SGCZ: variants seen among roughly 807,000 people sequenced by gnomAD.
The protein encoded by SGCZ is sarcoglycan zeta.
In SGCZ, 40 loss-of-function variants were observed where a neutral mutation model predicts 41.3. The observed-to-expected ratio is 0.97, with a 90% CI of 0.75 to 1.26. The LOEUF (loss-of-function observed/expected upper bound fraction) is 1.26. Ranked by LOEUF, SGCZ falls within the 50% of genes most tolerant of loss-of-function variation. SGCZ has a pLI of 0.00. For synonymous variants in SGCZ, 206 were observed against 137.5 expected (o/e 1.50, Z -3.49); for missense variants, 552 against 369.8 (o/e 1.49, Z -4.04).
intron 1 of SGCZ, among the ~76,000 whole-genome samples, chr8:14,742,545 T>G (rs1230591755): frequency 1.3e-5 from 2 of 152,072 alleles, no homozygotes; most frequent in African/African-American, 2.4e-5. Flanking sequence ...GGGAACTAAG[T>G]GTAAACAAGC....
intron 1 of SGCZ, among the ~76,000 whole-genome samples, chr8:15,189,477 A>T (rs13272751): frequency 0.34 from 51,570 of 152,066 alleles, 11,320 homozygotes; most frequent in Non-Finnish European, 0.46. Flanking sequence ...AGAGAGCCAA[A>T]CAACAGTCTT....
At chr8:14,388,189 T>C (rs1010555541) in intron 2 of SGCZ, among the ~76,000 whole-genome samples, 1 of 151,924 alleles carries the variant, frequency 6.6e-6, no homozygotes, top group African/African-American at 2.4e-5. Flanking sequence ...ATATATTGCC[T>C]GATACGAAAA....
intron 2 of SGCZ, among the ~76,000 whole-genome samples, chr8:14,519,882 C>T (rs1802738922): frequency 1.3e-5 from 2 of 152,088 alleles, no homozygotes; most frequent in South Asian, 2.1e-4. Context: ...TTACACACTT[C>T]AACCTTAACC....
At chr8:14,857,726 C>T (rs1160911435) in intron 1 of SGCZ, among the ~76,000 whole-genome samples, 1 of 151,974 alleles carries the variant, frequency 6.6e-6, no homozygotes, top group Non-Finnish European at 1.5e-5. Context: ...ATTAGCCCAG[C>T]GTGGTGGCAA....
Position 14,693,582 on chromosome 8 carries a change from C to CA in SGCZ, c.40-138657_40-138656insT, listed in dbSNP as rs771099976. 1.3e-4 allele frequency among the ~76,000 whole-genome samples: 8 copies of CA among 61,564 alleles called. No homozygotes were observed. The East Asian group carries it at 2.0e-3, about 15-fold the overall frequency. 40.4% of individuals were successfully genotyped at this position (61,564 alleles called of 152,430 possible). A position where few individuals can be genotyped will look rare whatever the true frequency, so the allele number is the denominator to read the frequency against. On this transcript the variant is annotated intron_variant, in intron 1 of 7. Transcript: ENST00000382080. ...TACAGGCGTCAGCTACCACGACTGG[C>CA]TTTTTTTTTTTTTTTTTTTTTTTTT...
intron 1 of SGCZ, among the ~76,000 whole-genome samples, chr8:14,609,201 G>T (rs1284757766): frequency 6.6e-6 from 1 of 151,976 alleles, no homozygotes; most frequent in South Asian, 2.1e-4. Context: ...TAACAAAATT[G>T]TATTATTACT....
intron 1 of SGCZ, among the ~76,000 whole-genome samples, chr8:14,855,075 A>G (rs1803494929): frequency 6.6e-6 from 1 of 151,596 alleles, no homozygotes; most frequent in Non-Finnish European, 1.5e-5. Context: ...TTATTTAGAG[A>G]CGGAGTCTTG....
intron 4 of SGCZ, among the ~76,000 whole-genome samples, chr8:14,236,330 G>C (rs780820424): frequency 3.3e-5 from 5 of 151,950 alleles, no homozygotes; most frequent in African/African-American, 1.2e-4. Context: ...GCAATTAATA[G>C]ATATGTAATG....
chr8:14,431,802 C>G (rs567564536), intron 2 of SGCZ, among the ~76,000 whole-genome samples: 1 of 152,204 alleles, frequency 6.6e-6, no homozygotes, highest in Non-Finnish European at 1.5e-5. Flanking sequence ...GGACTAATAT[C>G]CAGAATCTAC....
intron 3 of SGCZ, among the ~76,000 whole-genome samples, chr8:14,258,187 T>C (rs1171189846): frequency 6.6e-6 from 1 of 152,176 alleles, no homozygotes; most frequent in African/African-American, 2.4e-5. Context: ...ATCAGTTTTA[T>C]ATCTAAATAT....
intron 3 of SGCZ, among the ~76,000 whole-genome samples, chr8:14,291,970 A>C (rs1180613476): frequency 6.6e-6 from 1 of 152,090 alleles, no homozygotes; most frequent in East Asian, 1.9e-4. Context: ...AAAGGAGATA[A>C]TAATTGGCTT....
intron 2 of SGCZ, among the ~76,000 whole-genome samples, chr8:14,463,753 T>G (rs1424850153): frequency 6.6e-6 from 1 of 151,710 alleles, no homozygotes; most frequent in Non-Finnish European, 1.5e-5. Context: ...ATGTTTGCTG[T>G]TTTTCTAGAC....
intron 1 of SGCZ, among the ~76,000 whole-genome samples, chr8:15,215,239 T>G (rs1222800125): frequency 6.6e-6 from 1 of 151,976 alleles, no homozygotes; most frequent in Non-Finnish European, 1.5e-5. Context: ...AAGATATTAA[T>G]ATGAATATTT....
chr8:14,396,356 G>T (rs1798918891), intron 2 of SGCZ, among the ~76,000 whole-genome samples: 1 of 152,030 alleles, frequency 6.6e-6, no homozygotes, highest in Non-Finnish European at 1.5e-5. Flanking sequence ...TATTTGATAA[G>T]CCCTGAGGAA....
chr8:14,517,396 T>C (rs747318533), intron 2 of SGCZ, among the ~76,000 whole-genome samples: 2 of 152,128 alleles, frequency 1.3e-5, no homozygotes, highest in African/African-American at 2.4e-5. Context: ...CATTCTATTC[T>C]TTCTATATTT....
At chr8:15,162,763 T>C (rs1799546964) in intron 1 of SGCZ, among the ~76,000 whole-genome samples, 1 of 152,246 alleles carries the variant, frequency 6.6e-6, no homozygotes, top group Non-Finnish European at 1.5e-5. Context: ...AGTAATTTAT[T>C]AGATTTTTAT....
chr8:14,718,915 C>A (rs1443278141), intron 1 of SGCZ, among the ~76,000 whole-genome samples: 1 of 147,648 alleles, frequency 6.8e-6, no homozygotes, highest in East Asian at 2.0e-4. Context: ...AGGTTAGTTA[C>A]ACATGTATAC....
intron 2 of SGCZ, among the ~76,000 whole-genome samples, chr8:14,408,985 G>GCA (rs55636600): frequency 1.4e-5 from 2 of 138,802 alleles, no homozygotes; most frequent in Admixed American, 1.7e-4. Flanking sequence ...GTGTGCGTGT[G>GCA]TGTGTGTGTG....
chr8:15,216,366 C>T (rs539079278), intron 1 of SGCZ, among the ~76,000 whole-genome samples: 3 of 151,730 alleles, frequency 2.0e-5, no homozygotes, highest in East Asian at 3.9e-4. Flanking sequence ...ACTACAGGCA[C>T]GCACCACCAC....
Sources: gnomAD v4.1 joint callset for allele counts (sites outside exome capture counted in the v4.1 genomes callset) on GRCh38, gnomAD v4.1.1 for gene constraint, MANE v1.5 for transcripts, NCBI Gene and HGNC (gene_info 2026-07-23, HGNC 2026-07-21) for gene names.